AGBL1: variants seen among roughly 807,000 people sequenced by gnomAD.
AGBL1 encodes cytosolic carboxypeptidase 4.
In AGBL1, 130 loss-of-function variants were observed where a neutral mutation model predicts 118.9. The observed-to-expected ratio is 1.09, with a 90% CI of 0.95 to 1.26. AGBL1 has a LOEUF of 1.26. Ranked by LOEUF, AGBL1 falls within the 50% of genes most tolerant of loss-of-function variation. AGBL1 has a pLI of 0.00. For synonymous variants in AGBL1, 555 were observed against 478.9 expected, an observed-to-expected ratio of 1.16 and a Z score of -2.08; for missense variants, 1,584 against 1,298.1, an observed-to-expected ratio of 1.22 and a Z score of -3.38.
chr15:86,267,015 T>A lies in AGBL1; in HGVS notation c.1777T>A (p.Cys593Ser). 5 of 1,571,230 alleles carry A rather than the reference T, an allele frequency of 3.2e-6. No homozygotes were observed. Among genetic ancestry groups the A allele is most frequent in the Non-Finnish European group, 3.5e-6 (4 of 1,156,758 alleles). Reference sequence around the variant, plus strand: ...GCCTTTGCAAGACAATGCTTCCAATTGTTTACGGTTCTTCTCCAAATTTGA... The same window carrying A: ...GCCTTTGCAAGACAATGCTTCCAATAGTTTACGGTTCTTCTCCAAATTTGA... ...PWPLQDNASN[C>S]LRFFSKFESG... The change falls in exon 13 of 23, where the codon TGT becomes AGT. Residue 593 changes from cysteine (C) to serine (S), a missense_variant. By Grantham distance (112) the Cys-to-Ser change is moderately radical. Transcript: ENST00000614907.
At chr15:86,186,792 A>G (rs2077640256) in intron 5 of AGBL1, among the ~76,000 whole-genome samples, 3 of 152,200 alleles carry the variant, frequency 2.0e-5, no homozygotes, top group Admixed American at 2.0e-4. Context: ...TAATTTTCAC[A>G]TCACTGTGAA....
At chr15:86,192,610 A>G (rs1597523036) in intron 5 of AGBL1, among the ~76,000 whole-genome samples, 1 of 152,214 alleles carries the variant, frequency 6.6e-6, no homozygotes, top group Non-Finnish European at 1.5e-5. Context: ...TAAAATTCTT[A>G]TTTAAAAATA....
At chr15:86,870,974 C>T (rs935910671) in intron 22 of AGBL1, among the ~76,000 whole-genome samples, 17 of 152,164 alleles carry the variant, frequency 1.1e-4, no homozygotes, top group Non-Finnish European at 2.5e-4. Flanking sequence ...GCTAGCTTGC[C>T]TTTGGTGCCC....
chr15:86,404,761 C>G (rs2081498865), intron 18 of AGBL1, among the ~76,000 whole-genome samples: 1 of 152,146 alleles, frequency 6.6e-6, no homozygotes, highest in African/African-American at 2.4e-5. Flanking sequence ...TGATGCTGGG[C>G]CTGTAGATCA....
At chr15:86,256,193 T>A (rs886692330) in intron 7 of AGBL1, among the ~76,000 whole-genome samples, 13 of 152,184 alleles carry the variant, frequency 8.5e-5, no homozygotes, top group African/African-American at 2.9e-4. Context: ...TTTCACAGTG[T>A]CTGAAAAGAA....
At chr15:86,410,950 TAGAG>T (rs1353171026) in intron 18 of AGBL1, among the ~76,000 whole-genome samples, 2 of 126,576 alleles carry the variant, frequency 1.6e-5, no homozygotes, top group East Asian at 4.6e-4. Context: ...TATATATATA[TAGAG>T]AGAGATCTTG....
chr15:87,007,242 A>G (rs2081514333), intron 24 of AGBL1, among the ~76,000 whole-genome samples: 2 of 152,164 alleles, frequency 1.3e-5, no homozygotes, highest in East Asian at 3.9e-4. Context: ...CTAGCTGTAT[A>G]TATATATAAC....
At chr15:86,299,926 T>C (rs2079719219) in intron 17 of AGBL1, 1 of 152,148 alleles carries the variant, frequency 6.6e-6, no homozygotes, top group Non-Finnish European at 1.5e-5. Flanking sequence ...TCATTATTTA[T>C]CTAATCCTGG....
At chr15:86,495,168 T>A (rs2082833202) in intron 18 of AGBL1, among the ~76,000 whole-genome samples, 1 of 151,836 alleles carries the variant, frequency 6.6e-6, no homozygotes, top group African/African-American at 2.4e-5. Context: ...GCTTTTGTAT[T>A]TTTTCTTTGA....
chr15:86,992,002 T>G (rs1300542188), intron 24 of AGBL1, among the ~76,000 whole-genome samples: 1 of 152,148 alleles, frequency 6.6e-6, no homozygotes, highest in African/African-American at 2.4e-5. Context: ...CTGGGTAGTT[T>G]ATAAGGAAAA....
chr15:86,433,263 C>CTTTTTTTTTT (rs1292975189), intron 18 of AGBL1, among the ~76,000 whole-genome samples: 3 of 54,944 alleles, frequency 5.5e-5, no homozygotes, highest in East Asian at 1.0e-3. Context: ...CCTCCTCCTT[C>CTTTTTTTTTT]TTCTTTTTTT....
At chr15:86,919,607 CA>C (rs1567240474), downstream of AGBL1, among the ~76,000 whole-genome samples, 2 of 151,778 alleles carry the variant, frequency 1.3e-5, no homozygotes, top group East Asian at 3.9e-4. Context: ...CACACACACA[CA>C]CACACCCGAC....
chr15:86,892,606 T>G (rs2080067763), intron 22 of AGBL1, among the ~76,000 whole-genome samples: 1 of 152,180 alleles, frequency 6.6e-6, no homozygotes, highest in African/African-American at 2.4e-5. Flanking sequence ...CCCATAGATT[T>G]GTTTATTTGC....
At chr15:86,658,519 C>T (rs1396682953) in intron 21 of AGBL1, among the ~76,000 whole-genome samples, 1 of 152,110 alleles carries the variant, frequency 6.6e-6, no homozygotes, top group African/African-American at 2.4e-5. Flanking sequence ...CCTAGGTGCC[C>T]ATTTAATTTT....
intron 1 of AGBL1, among the ~76,000 whole-genome samples, chr15:86,101,147 A>G (rs551308374): frequency 2.0e-5 from 3 of 151,762 alleles, no homozygotes; most frequent in Non-Finnish European, 4.4e-5. Context: ...ATCACGTTTA[A>G]TTTCTATATA....
chr15:86,967,406 C>G (rs1447864879), intron 23 of AGBL1, among the ~76,000 whole-genome samples: 2 of 152,188 alleles, frequency 1.3e-5, no homozygotes, highest in African/African-American at 4.8e-5. Context: ...TTGCCCATGC[C>G]TATGTCCTGA....
chr15:86,203,545 A>C (rs1333683055), intron 5 of AGBL1, among the ~76,000 whole-genome samples: 1 of 152,182 alleles, frequency 6.6e-6, no homozygotes, highest in Admixed American at 6.5e-5. Context: ...TTTGACTCAC[A>C]GGCTTTTTGA....
At chr15:86,743,054 T>C (rs768755405) in intron 22 of AGBL1, among the ~76,000 whole-genome samples, 3 of 152,160 alleles carry the variant, frequency 2.0e-5, no homozygotes, top group Non-Finnish European at 4.4e-5. Flanking sequence ...GTAAGCTGGA[T>C]GAATGGATGC....
At chr15:86,629,991 CT>C (rs1481758126) in intron 21 of AGBL1, among the ~76,000 whole-genome samples, 2 of 152,196 alleles carry the variant, frequency 1.3e-5, no homozygotes, top group Non-Finnish European at 2.9e-5. Context: ...AAAGCAGATG[CT>C]TATTGCAATT....
Sources: gnomAD v4.1 joint callset for allele counts (sites outside exome capture counted in the v4.1 genomes callset) on GRCh38, gnomAD v4.1.1 for gene constraint, MANE v1.5 for transcripts, NCBI Gene and HGNC (gene_info 2026-07-23, HGNC 2026-07-21) for gene names.